CEP350: variants seen among roughly 807,000 people sequenced by gnomAD.
The protein encoded by CEP350 is centrosome-associated protein 350.
A neutral mutation model predicts 331.8 loss-of-function variants in CEP350; 126 were observed. That is an observed-to-expected ratio of 0.38 (90% confidence interval 0.33 to 0.44). The LOEUF is 0.44. Among genes scored for constraint, CEP350 ranks in the 20% least tolerant of loss-of-function variants. The probability of loss-of-function intolerance (pLI) is 1.00; values close to 1 mark genes in which losing one functional copy is unlikely to be tolerated. For synonymous variants in CEP350, 1,200 were observed against 1,259.5 expected, an observed-to-expected ratio of 0.95 and a Z score of 1.00; for missense variants, 3,406 against 3,634.6, an observed-to-expected ratio of 0.94 and a Z score of 1.62.
chr1:180,072,992 A>C (rs1453065776), intron 27 of CEP350, among the ~76,000 whole-genome samples: 1 of 152,220 alleles, frequency 6.6e-6, no homozygotes, highest in Non-Finnish European at 1.5e-5. Flanking sequence ...TTATTATTAC[A>C]AAAGAAGAAA....
chr1:180,022,138 A>G (rs1655367254), intron 12 of CEP350, among the ~76,000 whole-genome samples: 1 of 152,156 alleles, frequency 6.6e-6, no homozygotes, highest in South Asian at 2.1e-4. Flanking sequence ...ATAGACCTTC[A>G]TATGCTATTG....
chr1:180,087,661 A>G lies in CEP350; in HGVS notation c.6369A>G (p.Lys2123=), dbSNP rs1437796248. 3 of 1,578,496 alleles carry G rather than the reference A, an allele frequency of 1.9e-6. No homozygotes were observed. The highest frequency in any genetic ancestry group is 2.6e-6 in the Non-Finnish European group (3 of 1,160,638). Residue 2123 remains lysine (K), a synonymous_variant, in exon 32 of 38, where the codon AAA becomes AAG. Coordinates refer to ENST00000367607, the MANE Select transcript of CEP350 (RefSeq NM_014810.5). ...CACCAACAGCCAAGCCTCAGATTAA[A>G]ACGCTCTCCTCAGCTTCTGAAAAAC... is the stretch of plus-strand genomic sequence containing the variant. ...ETSPTAKPQI[K]TLSSASEKPK...
chr1:180,006,053 T>G (rs966740430), intron 7 of CEP350, among the ~76,000 whole-genome samples: 2 of 152,190 alleles, frequency 1.3e-5, no homozygotes, highest in Non-Finnish European at 1.5e-5. Flanking sequence ...TTAAGAATAT[T>G]ATATTGAGTA....
At position 180,113,585 on chromosome 1, in the gene CEP350, GAA is replaced by G. The variant is rs1661550790; in HGVS notation, c.*2425_*2426del. 6.6e-6 allele frequency: 1 copy of G among 151,726 alleles called. No individual in the cohort carries two copies. Among genetic ancestry groups the G allele is most frequent in the African/African-American group, 2.4e-5 (1 of 41,356 alleles). 9.4% of individuals were successfully genotyped at this position (151,726 alleles called of 1,614,324 possible). ...TTTGGTAGCAAAAAAAAAGAAAAAA[GAA>G]TCCATAATTAGCAGATTTCTTATTA... is the stretch of plus-strand genomic sequence containing the variant. On this transcript the variant is annotated 3_prime_UTR_variant, in exon 38 of 38. Coordinates refer to ENST00000367607, the MANE Select transcript of CEP350 (RefSeq NM_014810.5).
chr1:179,994,880 C>G (rs1653360178), intron 5 of CEP350, among the ~76,000 whole-genome samples: 1 of 152,166 alleles, frequency 6.6e-6, no homozygotes, highest in Admixed American at 6.5e-5. Flanking sequence ...CTCATATGAT[C>G]TCAGTAGAAA....
In CEP350 at chr1:180,062,376, A is replaced by C; in HGVS notation, c.5409+10A>C. 6.3e-7 allele frequency: 1 copy of C among 1,583,102 alleles called. No homozygotes were observed. The highest frequency in any genetic ancestry group is 8.6e-7 in the Non-Finnish European group (1 of 1,165,308). On this transcript the variant is annotated intron_variant, in intron 26 of 37. Coordinates refer to ENST00000367607, the MANE Select transcript of CEP350 (RefSeq NM_014810.5). ...AGGGGAGAGTAAATTGGTAAACTAC[A>C]TGAAGTTATTATTTGTTTCCTGTCT...
Position 180,093,998 on chromosome 1 carries a change from A to C in CEP350, c.7893A>C (p.Arg2631Ser). Residue 2631 changes from arginine (R) to serine (S), a missense_variant, in exon 34 of 38, where the codon AGA becomes AGC. Arg to Ser is a moderately radical substitution (Grantham distance 110). Coordinates refer to ENST00000367607, the MANE Select transcript of CEP350 (RefSeq NM_014810.5). ...TAGAAGCCTCAGTTAATAGAAGTAG[A>C]AGCCTTAAAATAGAAACAGACAATG... ...NDIEASVNRS[R>S]SLKIETDNVQ... 4 of 1,613,858 alleles carry C rather than the reference A, an allele frequency of 2.5e-6. No individual in the cohort carries two copies. The highest frequency in any genetic ancestry group is 3.4e-6 in the Non-Finnish European group (4 of 1,179,802).
rs1661556959 is a variant in CEP350, at chr1:180,113,758, TG to T, written c.*2598del. ...CTAAATATTCCCTCTTTCTAATCTT[TG>T]TTCCTTCTCCCTACACCCTCATCCT... is the stretch of plus-strand genomic sequence containing the variant. On this transcript the variant is annotated 3_prime_UTR_variant, in exon 38 of 38. Coordinates refer to ENST00000367607, the MANE Select transcript of CEP350 (RefSeq NM_014810.5). 1 of 152,472 alleles carries T rather than the reference TG, an allele frequency of 6.6e-6. No individual in the cohort carries two copies. The highest frequency in any genetic ancestry group is 2.1e-4 in the South Asian group (1 of 4,834). The allele number at this position is 152,472 out of a possible 1,614,324, so 9.4% of individuals were successfully genotyped here. A position where few individuals can be genotyped will look rare whatever the true frequency, so the allele number is the denominator to read the frequency against.
At chr1:180,033,094 CTG>C (rs1347817922) in intron 15 of CEP350, among the ~76,000 whole-genome samples, 2 of 152,038 alleles carry the variant, frequency 1.3e-5, no homozygotes, top group South Asian at 2.1e-4. Flanking sequence ...GGCAATATAA[CTG>C]TGCTAAAATG....
chr1:180,080,364 T>G (rs1221235783), intron 29 of CEP350, 153 bp from the exon 30 acceptor site: 1 of 244,206 alleles, frequency 4.1e-6, no homozygotes, highest in Non-Finnish European at 6.6e-6. Flanking sequence ...CTTTCCCAGG[T>G]TGAATAATTT....
At chr1:180,109,534 A>T (rs946170733) in intron 37 of CEP350, among the ~76,000 whole-genome samples, 1 of 152,216 alleles carries the variant, frequency 6.6e-6, no homozygotes, top group African/African-American at 2.4e-5. Flanking sequence ...ACTGCAATTA[A>T]CTTTGCTGAA....
chr1:180,019,909 G>A (rs1017274618), intron 11 of CEP350, 40 bp from the exon 12 acceptor site: 35 of 1,501,826 alleles, frequency 2.3e-5, no homozygotes, highest in Middle Eastern at 1.8e-4. Flanking sequence ...TTTTAAAATG[G>A]TGGTTTAGTT....
chr1:180,103,049 C>T (rs1487303196), intron 37 of CEP350, among the ~76,000 whole-genome samples: 1 of 152,128 alleles, frequency 6.6e-6, no homozygotes, highest in Non-Finnish European at 1.5e-5. Flanking sequence ...AGCGGTGGAC[C>T]GCAGCAGATT....
intron 37 of CEP350, among the ~76,000 whole-genome samples, chr1:180,106,922 A>G (rs982808954): frequency 6.6e-6 from 1 of 152,124 alleles, no homozygotes; most frequent in Non-Finnish European, 1.5e-5. Flanking sequence ...ACCCTATTAC[A>G]GAACCTTATT....
At chr1:180,074,008 A>G (rs560882522) in intron 27 of CEP350, 1 of 1,058,666 alleles carries the variant, frequency 9.4e-7, no homozygotes, top group Non-Finnish European at 1.3e-6. Context: ...TTTTTTTAAT[A>G]GCCTGGAGGC....
In CEP350 at chr1:180,053,011, G is replaced by A. The variant is rs1485548164; in HGVS notation, c.4834G>A (p.Glu1612Lys). The A allele has an allele frequency of 1.4e-6, 2 of 1,469,460 alleles. No homozygotes were observed. Among genetic ancestry groups the A allele is most frequent in the African/African-American group, 1.4e-5 (1 of 71,332 alleles). The allele number at this position is 1,469,460 out of a possible 1,614,324, so 91.0% of individuals were successfully genotyped here. The change falls in exon 23 of 38, where the codon GAA (glutamate) becomes AAA (lysine). Residue 1612 changes from glutamate to lysine, a missense_variant. By Grantham distance (56) the Glu-to-Lys change is moderately conservative. Around this residue, in one of 5 missense-constraint regions of CEP350, gnomAD observed 1,857 missense variants for 1,909.2 expected, o/e 0.97. Coordinates refer to ENST00000367607, the MANE Select transcript of CEP350 (RefSeq NM_014810.5). ...IATEYSLKFD[E>K]SMTEDEIEEQ... ...AACAGAATATTCTCTGAAATTTGATGAATCCATGACAGAAGATGAAATAGA... is the reference window on the plus strand; with the variant it reads ...AACAGAATATTCTCTGAAATTTGATAAATCCATGACAGAAGATGAAATAGA...
chr1:180,014,323 C>G lies in CEP350; in HGVS notation c.1870C>G (p.Gln624Glu). Residue 624 changes from glutamine to glutamate, a missense_variant, in exon 10 of 38, where the codon CAG (glutamine) becomes GAG (glutamate). This residue lies in a region of CEP350 where 1,857 missense variants were observed against 1,909.2 expected (regional missense o/e 0.97). Coordinates refer to ENST00000367607, the MANE Select transcript of CEP350 (RefSeq NM_014810.5). ...EKKAQKEATEQKNKRLQELYR... is the reference protein window; with the variant it reads ...EKKAQKEATEEKNKRLQELYR... ...GAAGGCTCAAAAGGAGGCTACAGAA[C>G]AGAAAAACAAACGATTACAAGAGCT... 2 of 1,591,006 alleles carry G rather than the reference C, an allele frequency of 1.3e-6. No individual in the cohort carries two copies. Among genetic ancestry groups the G allele is most frequent in the Non-Finnish European group, 1.7e-6 (2 of 1,168,348 alleles).
At chr1:179,963,202 C>G (rs1333741255) in intron 1 of CEP350, among the ~76,000 whole-genome samples, 2 of 151,514 alleles carry the variant, frequency 1.3e-5, no homozygotes, top group African/African-American at 4.9e-5. Flanking sequence ...CTTGTAGATT[C>G]TGGATCCTAG....
At chr1:180,025,196 C>T (rs1006933182) in intron 14 of CEP350, among the ~76,000 whole-genome samples, 12 of 152,074 alleles carry the variant, frequency 7.9e-5, no homozygotes, top group Non-Finnish European at 1.5e-4. Flanking sequence ...AGTGCTGGGA[C>T]ACATGACTTT....
Sources: gnomAD v4.1 joint callset for allele counts (sites outside exome capture counted in the v4.1 genomes callset) on GRCh38, gnomAD v4.1.1 for gene constraint, gnomAD v4.1.1 regional missense constraint, MANE v1.5 for transcripts, NCBI Gene and HGNC (gene_info 2026-07-23, HGNC 2026-07-21) for gene names.